CNTN4: variants seen among roughly 807,000 people sequenced by gnomAD.
CNTN4 encodes contactin 4, also known as contactin-4.
Under a neutral mutation model 122.5 loss-of-function variants are expected in CNTN4, and 77 were observed. That is an observed-to-expected ratio of 0.63 (90% CI 0.52 to 0.76). The LOEUF (loss-of-function observed/expected upper bound fraction) is 0.76, where lower values mean the gene tolerates loss of function less well. Among genes scored for constraint, CNTN4 ranks in the 30% least tolerant of loss-of-function variants. CNTN4 has a pLI of 0.00. For missense variants in CNTN4, 1,256 were observed against 1,259.1 expected, an observed-to-expected ratio of 1.00 and a Z score of 0.04; for synonymous variants, 512 against 447.0, an observed-to-expected ratio of 1.15 and a Z score of -1.83.
At chr3:2,579,535 C>CT (rs11129200) in intron 4 of CNTN4, among the ~76,000 whole-genome samples, 6,974 of 150,182 alleles carry the variant, frequency 0.046, 392 homozygotes, top group East Asian at 0.19. Flanking sequence ...TCATGGGTTT[C>CT]TTTTTTTTTT....
chr3:2,103,410 C>T (rs1453886985), intron 2 of CNTN4, among the ~76,000 whole-genome samples: 2 of 152,194 alleles, frequency 1.3e-5, no homozygotes, highest in African/African-American at 2.4e-5. Context: ...CCCCCACTTA[C>T]ACACCCTTCA....
intron 3 of CNTN4, among the ~76,000 whole-genome samples, chr3:2,500,782 C>T (rs2076573675): frequency 6.6e-6 from 1 of 151,840 alleles, no homozygotes; most frequent in Non-Finnish European, 1.5e-5. Context: ...AGTATAAATT[C>T]CACATACTGA....
At chr3:3,035,027 G>A (rs1399792181) in intron 17 of CNTN4, among the ~76,000 whole-genome samples, 2 of 152,046 alleles carry the variant, frequency 1.3e-5, no homozygotes, top group Non-Finnish European at 2.9e-5. Flanking sequence ...TAATGTCCAG[G>A]CCAGATTTGG....
Position 2,988,915 on chromosome 3 carries a change from T to A in CNTN4, c.1486+443T>A, listed in dbSNP as rs1018336979. 5.0e-5 allele frequency: 11 copies of A among 220,536 alleles called. No individual in the cohort carries two copies. The East Asian group carries it at 1.2e-3, about 24-fold the overall frequency. The allele number at this position is 220,536 out of a possible 1,614,324, so 13.7% of individuals were successfully genotyped here. ...TAGCTGTCCCATTTATTCAGAGATA[T>A]GGATATGGCTTATTATACTAATAGA... On this transcript the variant is annotated intron_variant, in intron 14 of 24. Transcript: ENST00000418658.
intron 3 of CNTN4, among the ~76,000 whole-genome samples, chr3:2,484,011 T>G (rs2076077365): frequency 6.6e-6 from 1 of 152,024 alleles, no homozygotes; most frequent in Admixed American, 6.6e-5. Context: ...GTCAAGAGAA[T>G]GAAAAGAACA....
intron 2 of CNTN4, among the ~76,000 whole-genome samples, chr3:2,167,764 C>T (rs1335194762): frequency 2.6e-5 from 4 of 152,142 alleles, no homozygotes; most frequent in African/African-American, 4.8e-5. Flanking sequence ...TGTTTTCACC[C>T]TGGCCCATTT....
intron 2 of CNTN4, among the ~76,000 whole-genome samples, chr3:2,336,069 G>T (rs2043942016): frequency 6.6e-6 from 1 of 152,146 alleles, no homozygotes; most frequent in South Asian, 2.1e-4. Context: ...TAAATATTTT[G>T]TGATGAGTGG....
chr3:2,384,660 A>G (rs2046168931), intron 3 of CNTN4, among the ~76,000 whole-genome samples: 2 of 152,088 alleles, frequency 1.3e-5, no homozygotes, highest in Admixed American at 1.3e-4. Flanking sequence ...TGACACCTGA[A>G]TAGGACTCTC....
chr3:2,391,726 A>G (rs909298031), intron 3 of CNTN4, among the ~76,000 whole-genome samples: 3 of 152,132 alleles, frequency 2.0e-5, no homozygotes, highest in Non-Finnish European at 4.4e-5. Context: ...TACATGACGC[A>G]GCAAGAATTC....
chr3:2,994,574 T>A (rs1695348288), intron 14 of CNTN4, among the ~76,000 whole-genome samples: 1 of 148,776 alleles, frequency 6.7e-6, no homozygotes, highest in Non-Finnish European at 1.5e-5. Flanking sequence ...TTTATTTATG[T>A]TTAAATCAAC....
intron 17 of CNTN4, 114 bp downstream of exon 17, chr3:3,034,904 T>C: frequency 1.8e-6 from 2 of 1,134,518 alleles, no homozygotes; most frequent in Non-Finnish European, 2.7e-6. Context: ...TGATATATTA[T>C]GGCAGTGTTT....
intron 10 of CNTN4, among the ~76,000 whole-genome samples, chr3:2,894,987 T>C (rs1325162658): frequency 6.6e-6 from 1 of 151,816 alleles, no homozygotes; most frequent in African/African-American, 2.4e-5. Context: ...GAAGACTTCA[T>C]TTTCATTTAT....
chr3:2,121,748 G>C (rs2033796049), intron 2 of CNTN4, among the ~76,000 whole-genome samples: 1 of 152,096 alleles, frequency 6.6e-6, no homozygotes, highest in Non-Finnish European at 1.5e-5. Context: ...TAATTTGAAA[G>C]AAAAAATGTC....
intron 3 of CNTN4, among the ~76,000 whole-genome samples, chr3:2,477,281 A>G (rs912203438): frequency 1.4e-4 from 21 of 152,212 alleles, no homozygotes; most frequent in Non-Finnish European, 2.8e-4. Flanking sequence ...TATAAATGAC[A>G]TCTGAGGTTT....
At chr3:2,431,639 A>G (rs144456429) in intron 3 of CNTN4, among the ~76,000 whole-genome samples, 16 of 152,324 alleles carry the variant, frequency 1.1e-4, no homozygotes, top group African/African-American at 3.4e-4. Context: ...GTCAGTCACT[A>G]TGCTTGCCGC....
chr3:2,753,253 G>A (rs1356081927), intron 6 of CNTN4, among the ~76,000 whole-genome samples: 3 of 152,102 alleles, frequency 2.0e-5, no homozygotes, highest in African/African-American at 4.8e-5. Flanking sequence ...CTATAATTTC[G>A]TGAGCTTGAA....
intron 3 of CNTN4, among the ~76,000 whole-genome samples, chr3:2,442,175 A>C (rs2048464710): frequency 6.6e-6 from 1 of 152,170 alleles, no homozygotes; most frequent in African/African-American, 2.4e-5. Context: ...CCTTGTGAAA[A>C]AGCACAGTTC....
At chr3:2,324,652 C>A (rs909343646) in intron 2 of CNTN4, among the ~76,000 whole-genome samples, 15 of 152,154 alleles carry the variant, frequency 9.9e-5, no homozygotes, top group Non-Finnish European at 2.2e-4. Flanking sequence ...TTCTGAGAAC[C>A]CTGAGCCTAC....
chr3:2,206,350 A>G (rs1195748351), intron 2 of CNTN4, among the ~76,000 whole-genome samples: 1 of 152,112 alleles, frequency 6.6e-6, no homozygotes, highest in Non-Finnish European at 1.5e-5. Context: ...TCAATATGCA[A>G]TCAGGCAGGT....
Sources: allele counts gnomAD v4.1 joint callset (sites outside exome capture counted in the v4.1 genomes callset), GRCh38; gene constraint gnomAD v4.1.1; transcripts MANE v1.5; gene names NCBI Gene and HGNC (gene_info 2026-07-23, HGNC 2026-07-21).